TNKS: variants seen among roughly 807,000 people sequenced by gnomAD.
TNKS encodes poly [ADP-ribose] polymerase tankyrase-1.
In TNKS, 72 loss-of-function variants were observed where a neutral mutation model predicts 135.8. That is an observed-to-expected ratio of 0.53 (90% CI 0.44 to 0.64). The LOEUF is 0.64. Ranked by LOEUF, TNKS falls within the 30% of genes least tolerant of loss-of-function variation. TNKS has a pLI of 0.00. For missense variants in TNKS, 1,769 were observed against 1,674.0 expected, an observed-to-expected ratio of 1.06 and a Z score of -0.99; for synonymous variants, 849 against 649.3, an observed-to-expected ratio of 1.31 and a Z score of -4.68.
At chr8:9,556,798 G>C in intron 1 of TNKS, 186 bp downstream of exon 1, 19 of 403,246 alleles carry the variant, frequency 4.7e-5, no homozygotes, top group Non-Finnish European at 5.9e-5. Context: ...TGGTTGGGGG[G>C]GATAAGTGAA....
intron 6 of TNKS, 130 bp downstream of exon 6, chr8:9,704,887 T>C (rs1317284444): frequency 1.8e-6 from 1 of 547,090 alleles, no homozygotes; most frequent in Admixed American, 3.4e-5. Context: ...TGTTCATAAC[T>C]CTGGTTTGAG....
At chr8:9,641,409 T>G (rs2128776648) in intron 3 of TNKS, among the ~76,000 whole-genome samples, 1 of 145,012 alleles carries the variant, frequency 6.9e-6, no homozygotes, top group South Asian at 2.2e-4. Flanking sequence ...ATAATAAAAA[T>G]GAGTCTGATT....
At chr8:9,686,824 A>G (rs1374136859) in intron 5 of TNKS, among the ~76,000 whole-genome samples, 1 of 151,752 alleles carries the variant, frequency 6.6e-6, no homozygotes, top group Non-Finnish European at 1.5e-5. Context: ...CCATGTGTTC[A>G]TGGCAAATTT....
At chr8:9,575,075 AATCTCTCCATT>A in intron 1 of TNKS, 1 of 985,008 alleles carries the variant, frequency 1.0e-6, no homozygotes, top group Non-Finnish European at 1.2e-6. Flanking sequence ...GAGACAAGTG[AATCTCTCCATT>A]ATCTTTTTAT....
At chr8:9,746,774 C>G (rs1049910996) in intron 17 of TNKS, among the ~76,000 whole-genome samples, 13 of 151,884 alleles carry the variant, frequency 8.6e-5, no homozygotes, top group East Asian at 1.9e-4. Flanking sequence ...CGACTGTGCT[C>G]CAACCTTTTC....
chr8:9,730,758 A>G (rs1805396911), intron 13 of TNKS, 132 bp from the exon 14 acceptor site: 1 of 1,067,240 alleles, frequency 9.4e-7, no homozygotes, highest in Non-Finnish European at 1.3e-6. Context: ...TGTATTGTCT[A>G]ATCTTTGGAA....
intron 3 of TNKS, among the ~76,000 whole-genome samples, chr8:9,622,563 AGTGCTCTTATAT>A (rs1297285169): frequency 4.6e-5 from 7 of 152,238 alleles, no homozygotes; most frequent in Non-Finnish European, 8.8e-5. Flanking sequence ...AGGATCAATG[AGTGCTCTTATAT>A]GTGCAGAATC....
intron 20 of TNKS, among the ~76,000 whole-genome samples, chr8:9,753,309 T>A (rs1806651220): frequency 6.6e-6 from 1 of 152,208 alleles, no homozygotes; most frequent in South Asian, 2.1e-4. Flanking sequence ...GCCCATTAAT[T>A]TGGAAAGCAC....
In TNKS at chr8:9,567,981, C is replaced by T. The variant is rs372216915; in HGVS notation, c.673+11369C>T. On this transcript the variant is annotated intron_variant, in intron 1 of 26. Transcript: ENST00000310430. ...GGTATCATAGTGGACATTTTAGCCTCTCTATTGTCCTGGAGCGTTTCTTAA... is the reference window on the plus strand; with the variant it reads ...GGTATCATAGTGGACATTTTAGCCTTTCTATTGTCCTGGAGCGTTTCTTAA... Among the ~76,000 whole-genome samples the T allele has an allele frequency of 3.3e-5, 5 of 152,124 alleles. No individual in the cohort carries two copies. In the East Asian group the frequency reaches 7.7e-4, roughly 23 times the overall value.
intron 3 of TNKS, among the ~76,000 whole-genome samples, chr8:9,645,159 A>C (rs2128778362): frequency 6.6e-6 from 1 of 152,236 alleles, no homozygotes; most frequent in South Asian, 2.1e-4. Flanking sequence ...TGGTGAATGC[A>C]AAGGGGAGGA....
intron 26 of TNKS, among the ~76,000 whole-genome samples, chr8:9,775,459 CTATATATATATA>C (rs59789406): frequency 0.29 from 23,426 of 80,636 alleles, 3,107 homozygotes; most frequent in South Asian, 0.37. Context: ...ATGAATGGTT[CTATATATATATA>C]TATATATATA....
At chr8:9,594,131 C>T (rs1288572152) in intron 2 of TNKS, among the ~76,000 whole-genome samples, 3 of 152,170 alleles carry the variant, frequency 2.0e-5, no homozygotes, top group South Asian at 2.1e-4. Context: ...AGGCGGTCCA[C>T]CTGCCTCGGC....
chr8:9,576,916 A>C (rs1797971051), intron 1 of TNKS, among the ~76,000 whole-genome samples: 2 of 152,196 alleles, frequency 1.3e-5, no homozygotes, highest in Non-Finnish European at 2.9e-5. Flanking sequence ...ATAAATATAG[A>C]AACACAAGTG....
At chr8:9,775,472 T>C (rs1428682577) in intron 26 of TNKS, among the ~76,000 whole-genome samples, 1 of 58,096 alleles carries the variant, frequency 1.7e-5, no homozygotes, top group Non-Finnish European at 3.3e-5. Context: ...TATATATATA[T>C]ATATATATAT....
chr8:9,580,126 A>G (rs767729699), intron 1 of TNKS, 33 bp from the exon 2 acceptor site: 27 of 1,578,956 alleles, frequency 1.7e-5, no homozygotes, highest in Non-Finnish European at 2.3e-5. Context: ...AAAATCAAAT[A>G]TATATACAAG....
chr8:9,772,491 G>C (rs1238212704), intron 26 of TNKS: 1 of 448,414 alleles, frequency 2.2e-6, no homozygotes, highest in East Asian at 7.0e-5. Context: ...CTTCAAAAAT[G>C]TTAATATTAT....
rs1554464376 is a variant in TNKS, at chr8:9,664,909, G to GT, written c.995-15041dup. 2.6e-5 allele frequency among the ~76,000 whole-genome samples: 4 copies of GT among 152,274 alleles called. No homozygotes were observed. The South Asian group carries it at 8.3e-4, about 32-fold the overall frequency. Reference sequence around the variant, plus strand: ...CGGCATTTCTATACCATATCCCTATGTGCTGTCTGCCATTAGTCCATTGTT... The same window carrying GT: ...CGGCATTTCTATACCATATCCCTATGTTGCTGTCTGCCATTAGTCCATTGTT... On this transcript the variant is annotated intron_variant, in intron 3 of 26. Transcript: ENST00000310430.
At chr8:9,748,679 A>G (rs1001504164) in intron 18 of TNKS, among the ~76,000 whole-genome samples, 2 of 152,266 alleles carry the variant, frequency 1.3e-5, no homozygotes, top group Non-Finnish European at 2.9e-5. Context: ...GTTACTGTAT[A>G]GTCACAGTAA....
rs1240322900 is a variant in TNKS, at chr8:9,730,897, G to C, written c.2009G>C (p.Cys670Ser). Reference sequence around the variant, plus strand: ...GTGTGTGCACCACGAAAGCAACTTTGCAGCTCTCAAAATGTGAATTGTAGA... The same window carrying C: ...GTGTGTGCACCACGAAAGCAACTTTCCAGCTCTCAAAATGTGAATTGTAGA... ...AGDLETVKQL[C>S]SSQNVNCRDL... Residue 670 changes from cysteine (C) to serine (S), a missense_variant, in exon 14 of 27, where the codon TGC becomes TCC. Transcript: ENST00000310430. 1 of 1,612,238 alleles carries C rather than the reference G, an allele frequency of 6.2e-7. No individual in the cohort carries two copies. The highest frequency in any genetic ancestry group is 1.1e-5 in the South Asian group (1 of 90,618).
Sources: gnomAD v4.1 joint callset for allele counts (sites outside exome capture counted in the v4.1 genomes callset) on GRCh38, gnomAD v4.1.1 for gene constraint, MANE v1.5 for transcripts, NCBI Gene and HGNC (gene_info 2026-07-23, HGNC 2026-07-21) for gene names.